Variants in CADM1 observed in about 807,000 individuals in gnomAD.
CADM1 encodes the protein cell adhesion molecule 1.
In CADM1, 15 loss-of-function variants were observed where a neutral mutation model predicts 53.1. The ratio of observed to expected loss-of-function variants is 0.28; its 90% confidence interval spans 0.19 to 0.44. CADM1 has a LOEUF of 0.44. Ranked by LOEUF, CADM1 falls within the 20% of genes least tolerant of loss-of-function variation. The pLI, the probability that CADM1 is intolerant of heterozygous loss-of-function variation, is 1.00. For synonymous variants in CADM1, 281 were observed against 243.0 expected (o/e 1.16, Z -1.45); for missense variants, 434 against 611.3 (o/e 0.71, Z 3.06).
At chr11:115,432,744 T>C (rs575838544) in intron 1 of CADM1, among the ~76,000 whole-genome samples, 1 of 152,312 alleles carries the variant, frequency 6.6e-6, no homozygotes, top group African/African-American at 2.4e-5. Flanking sequence ...ATCCACCTAC[T>C]TAAAACTGCT....
intron 1 of CADM1, among the ~76,000 whole-genome samples, chr11:115,342,208 C>T (rs533084314): frequency 6.6e-6 from 1 of 152,288 alleles, no homozygotes; most frequent in South Asian, 2.1e-4. Context: ...GCCTTGCCAT[C>T]AGATCATACC....
intron 5 of CADM1, among the ~76,000 whole-genome samples, chr11:115,222,963 T>TTTTTG (rs1311567898): frequency 6.6e-6 from 1 of 152,108 alleles, no homozygotes; most frequent in Non-Finnish European, 1.5e-5. Context: ...GAGAGGGGTT[T>TTTTTG]TTTTGTTTTG....
intron 1 of CADM1, among the ~76,000 whole-genome samples, chr11:115,369,447 G>A (rs1253935706): frequency 6.6e-6 from 1 of 152,186 alleles, no homozygotes; most frequent in Admixed American, 6.5e-5. Context: ...AAGCCTGGCA[G>A]AGAGTATTGT....
At chr11:115,348,364 G>A (rs909282615) in intron 1 of CADM1, among the ~76,000 whole-genome samples, 2 of 152,184 alleles carry the variant, frequency 1.3e-5, no homozygotes, top group Non-Finnish European at 2.9e-5. Flanking sequence ...GACACATGCA[G>A]AAGACAAATT....
At chr11:115,406,684 C>A (rs547469419) in intron 1 of CADM1, among the ~76,000 whole-genome samples, 8 of 150,890 alleles carry the variant, frequency 5.3e-5, no homozygotes, top group Non-Finnish European at 1.2e-4. Context: ...CTGTGGCTCA[C>A]GCCTCTAATC....
At chr11:115,308,072 A>C (rs1372303012) in intron 1 of CADM1, among the ~76,000 whole-genome samples, 27 of 151,560 alleles carry the variant, frequency 1.8e-4, no homozygotes, top group Non-Finnish European at 1.5e-5. Flanking sequence ...ATTTTTGCTC[A>C]ACAGCCTCAA....
At chr11:115,473,813 A>G (rs1358954605) in intron 1 of CADM1, among the ~76,000 whole-genome samples, 4 of 152,116 alleles carry the variant, frequency 2.6e-5, no homozygotes, top group Admixed American at 6.5e-5. Flanking sequence ...CAAAAACACA[A>G]CCCATAAAAT....
rs1243368039 is a variant in CADM1 at position 115,190,958 on chromosome 11, A to G, written c.1112-17T>C. The G allele has an allele frequency of 6.3e-7, 1 of 1,582,152 alleles. No individual in the cohort carries two copies. The highest frequency in any genetic ancestry group is 8.5e-7 in the Non-Finnish European group (1 of 1,171,084). On this transcript the variant is annotated splice_polypyrimidine_tract_variant and intron_variant, in intron 9 of 11. Transcript: ENST00000331581. ...GAGTAAGGCCTTACAAGTAAAAACA[A>G]ATCGTTTTTCTTTTCATTCCTCGAG... is the stretch of plus-strand genomic sequence containing the variant.
chr11:115,503,592 T>C (rs1949782025), intron 1 of CADM1, among the ~76,000 whole-genome samples: 1 of 151,678 alleles, frequency 6.6e-6, no homozygotes, highest in East Asian at 2.0e-4. Flanking sequence ...CGGGGAACTT[T>C]CCCCGCCTGG....
At chr11:115,217,732 A>T (rs1025794796) in intron 6 of CADM1, among the ~76,000 whole-genome samples, 160 bp downstream of exon 6, 4 of 152,204 alleles carry the variant, frequency 2.6e-5, no homozygotes, top group African/African-American at 9.6e-5. Flanking sequence ...AACTATGGAT[A>T]TTTATTTCCA....
chr11:115,249,972 T>G (rs1048211381), intron 1 of CADM1, among the ~76,000 whole-genome samples: 2 of 52,584 alleles, frequency 3.8e-5, no homozygotes, highest in African/African-American at 7.9e-5. Context: ...TAGTGCGATC[T>G]CGGCTCACTG....
At chr11:115,222,565 T>G (rs1014413014) in intron 5 of CADM1, among the ~76,000 whole-genome samples, 11 of 152,164 alleles carry the variant, frequency 7.2e-5, no homozygotes, top group Admixed American at 1.3e-4. Flanking sequence ...GTTTGCAAGG[T>G]GAAGAACCTC....
Position 115,171,141 on chromosome 11 carries a change from T to G in CADM1, c.*5333A>C, listed in dbSNP as rs900039097. The G allele has an allele frequency of 6.6e-6, 1 of 152,166 alleles. No homozygotes were observed. The highest frequency in any genetic ancestry group is 6.6e-5 in the Admixed American group (1 of 15,266). The allele number at this position is 152,166 out of a possible 1,614,324, so 9.4% of individuals were successfully genotyped here. Reference sequence around the variant, plus strand: ...GGGCCAGCGCTTCAAAAACTATACATGTATGGCTGTGAATACAAATTTCAC... The same window carrying G: ...GGGCCAGCGCTTCAAAAACTATACAGGTATGGCTGTGAATACAAATTTCAC... On this transcript the variant is annotated 3_prime_UTR_variant, in exon 12 of 12. Transcript: ENST00000331581.
rs188978349 is a variant in CADM1, at chr11:115,484,228, G to A, written c.124+20043C>T. ...TAACTAATATGGGCTAAGGAACCATGCACAGTCTTTCTGGATGTCGTACAG... is the reference window on the plus strand; with the variant it reads ...TAACTAATATGGGCTAAGGAACCATACACAGTCTTTCTGGATGTCGTACAG... On this transcript the variant is annotated intron_variant, in intron 1 of 11. Coordinates refer to ENST00000331581, the MANE Select transcript of CADM1 (RefSeq NM_001301043.2). 7.0e-4 allele frequency among the ~76,000 whole-genome samples: 107 copies of A among 152,300 alleles called. 1 individual carries two copies. Among genetic ancestry groups the A allele is most frequent in the Non-Finnish European group, 1.2e-3 (81 of 68,018 alleles).
rs868568489 is a variant in CADM1, at chr11:115,407,093, G to C, written c.124+97178C>G. ...TCACACTAAAGTATTAAGTGTGATT[G>C]CTGCTGAATTTCACCAGGATTAACT... On this transcript the variant is annotated intron_variant, in intron 1 of 11. Coordinates refer to ENST00000331581, the MANE Select transcript of CADM1 (RefSeq NM_001301043.2). Among the ~76,000 whole-genome samples the C allele has an allele frequency of 1.3e-5, 2 of 152,134 alleles. 1 individual carries two copies. The highest frequency in any genetic ancestry group is 2.9e-5 in the Non-Finnish European group (2 of 68,028).
At chr11:115,498,125 T>C (rs1234458495) in intron 1 of CADM1, among the ~76,000 whole-genome samples, 4 of 151,976 alleles carry the variant, frequency 2.6e-5, no homozygotes, top group African/African-American at 9.7e-5. Flanking sequence ...ATGGAGCAAA[T>C]ATTAAGAAGT....
intron 1 of CADM1, among the ~76,000 whole-genome samples, chr11:115,251,084 C>A (rs1247856304): frequency 6.6e-6 from 1 of 152,160 alleles, no homozygotes; most frequent in Non-Finnish European, 1.5e-5. Flanking sequence ...CAGCATGTTC[C>A]AATATGTGAT....
intron 1 of CADM1, among the ~76,000 whole-genome samples, chr11:115,430,422 A>G (rs1261982493): frequency 1.3e-5 from 2 of 152,244 alleles, no homozygotes; most frequent in Admixed American, 6.5e-5. Context: ...TCAACATTAA[A>G]TCACATCTTC....
At chr11:115,495,644 G>A (rs954502537) in intron 1 of CADM1, among the ~76,000 whole-genome samples, 15 of 152,110 alleles carry the variant, frequency 9.9e-5, no homozygotes, top group Admixed American at 6.5e-4. Context: ...GACCTGTCCC[G>A]ATGCTGGCCT....
Sources: allele counts gnomAD v4.1 joint callset (sites outside exome capture counted in the v4.1 genomes callset), GRCh38; gene constraint gnomAD v4.1.1; transcripts MANE v1.5; gene names NCBI Gene and HGNC (gene_info 2026-07-23, HGNC 2026-07-21).